Variants in SOHLH2 observed in about 807,000 individuals in gnomAD.
The protein encoded by SOHLH2 is spermatogenesis- and oogenesis-specific basic helix-loop-helix-containing protein 2.
SOHLH2 carries 22 observed loss-of-function variants against 50.4 expected under a neutral mutation model. The observed-to-expected ratio is 0.44, with a 90% CI of 0.31 to 0.62. SOHLH2 has a LOEUF of 0.62. SOHLH2 is among the 20% of genes least tolerant of loss of function. SOHLH2 has a pLI of 0.08. For missense variants in SOHLH2, 412 were observed against 504.4 expected, an observed-to-expected ratio of 0.82 and a Z score of 1.76; for synonymous variants, 185 against 187.3, an observed-to-expected ratio of 0.99 and a Z score of 0.10.
At chr13:36,211,453 G>T (rs1468109206) in intron 1 of SOHLH2, among the ~76,000 whole-genome samples, 1 of 152,220 alleles carries the variant, frequency 6.6e-6, no homozygotes, top group East Asian at 1.9e-4. Flanking sequence ...AACAAGACAA[G>T]GTCCTTGCCC....
At chr13:36,178,782 C>T (rs1311689326) in intron 6 of SOHLH2, among the ~76,000 whole-genome samples, 3 of 148,756 alleles carry the variant, frequency 2.0e-5, no homozygotes, top group Non-Finnish European at 4.4e-5. Flanking sequence ...TTTAACTTTT[C>T]ATAGTAACAT....
At chr13:36,196,578 C>T (rs1887738745) in intron 2 of SOHLH2, among the ~76,000 whole-genome samples, 1 of 152,120 alleles carries the variant, frequency 6.6e-6, no homozygotes, top group South Asian at 2.1e-4. Flanking sequence ...ATAAAAAATA[C>T]TGCATAGTGG....
At chr13:36,187,875 T>G (rs988725108) in intron 6 of SOHLH2, among the ~76,000 whole-genome samples, 20 of 152,142 alleles carry the variant, frequency 1.3e-4, no homozygotes, top group African/African-American at 4.8e-4. Flanking sequence ...CACTGACAGG[T>G]GGGGTCTATG....
chr13:36,174,749 C>T lies in SOHLH2; in HGVS notation c.762G>A (p.Glu254=), dbSNP rs752689317. 6 of 1,608,504 alleles carry T rather than the reference C, an allele frequency of 3.7e-6. No homozygotes were observed. The highest frequency in any genetic ancestry group is 3.3e-5 in the South Asian group (3 of 89,574). Residue 254 remains glutamate (E), a synonymous_variant, in exon 7 of 11, where the codon GAG becomes GAA. Transcript: ENST00000379881. ...GGGCCATAACGGCTGGAGAGATTTTCTCCCGGATATATTTCACATAATCAA... is the reference window on the plus strand; with the variant it reads ...GGGCCATAACGGCTGGAGAGATTTTTTCCCGGATATATTTCACATAATCAA... ...ATVDYVKYIR[E]KISPAVMAQI...
chr13:36,208,238 A>G (rs143010218), intron 1 of SOHLH2, among the ~76,000 whole-genome samples: 317 of 152,266 alleles, frequency 2.1e-3, no homozygotes, highest in African/African-American at 7.2e-3. Context: ...TATTACTATG[A>G]CATTCCATTG....
chr13:36,203,640 T>C (rs780594519), intron 1 of SOHLH2, among the ~76,000 whole-genome samples: 16 of 152,322 alleles, frequency 1.1e-4, no homozygotes, highest in African/African-American at 2.2e-4. Context: ...GTAAGCAGTA[T>C]ATATGAGTAC....
chr13:36,173,639 G>T (rs1409839662), intron 9 of SOHLH2, 53 bp downstream of exon 9: 7 of 1,602,020 alleles, frequency 4.4e-6, no homozygotes, highest in African/African-American at 4.0e-5. Flanking sequence ...CTGGGGGTTT[G>T]CAGGGCAGGG....
chr13:36,169,027 T>A lies in SOHLH2; in HGVS notation c.*7A>T. On this transcript the variant is annotated 3_prime_UTR_variant, in exon 11 of 11. Coordinates refer to ENST00000379881, the MANE Select transcript of SOHLH2 (RefSeq NM_017826.3). The stretch of plus-strand genomic sequence containing the variant: ...TGGTTGAGAGTGTGAATTTCAAACA[T>A]GTGCTTTTAATACGCCCAAAACTGT... 6.2e-7 allele frequency: 1 copy of A among 1,606,664 alleles called. No homozygotes were observed. The highest frequency in any genetic ancestry group is 1.3e-5 in the African/African-American group (1 of 74,752).
At chr13:36,214,389 G>C in intron 1 of SOHLH2, 90 bp downstream of exon 1, 1 of 1,475,548 alleles carries the variant, frequency 6.8e-7, no homozygotes, top group Non-Finnish European at 9.3e-7. Context: ...GAGCTCCCCA[G>C]GCCGGGCTTT....
intron 1 of SOHLH2, among the ~76,000 whole-genome samples, chr13:36,206,155 A>C (rs1039018327): frequency 1.3e-5 from 2 of 152,016 alleles, no homozygotes; most frequent in Non-Finnish European, 2.9e-5. Context: ...AATTAAAATT[A>C]ATTAAAGTTT....
At chr13:36,195,113 A>G (rs1887684764) in intron 2 of SOHLH2, among the ~76,000 whole-genome samples, 2 of 152,258 alleles carry the variant, frequency 1.3e-5, no homozygotes, top group South Asian at 2.1e-4. Flanking sequence ...CATTAAACGA[A>G]TCATTATAGA....
chr13:36,181,549 GTT>G (rs886379675), intron 6 of SOHLH2, among the ~76,000 whole-genome samples: 3 of 152,124 alleles, frequency 2.0e-5, no homozygotes, highest in African/African-American at 7.2e-5. Flanking sequence ...ATAGTCTAGA[GTT>G]AATACTTTAT....
intron 6 of SOHLH2, among the ~76,000 whole-genome samples, chr13:36,177,138 C>A (rs1487064545): frequency 6.6e-6 from 1 of 152,066 alleles, no homozygotes; most frequent in African/African-American, 2.4e-5. Flanking sequence ...ATCACTTTTG[C>A]CTGTCCTCAA....
At chr13:36,190,636 T>C (rs1418126685) in intron 5 of SOHLH2, among the ~76,000 whole-genome samples, 1 of 152,108 alleles carries the variant, frequency 6.6e-6, no homozygotes, top group Non-Finnish European at 1.5e-5. Flanking sequence ...GATTTGAAAA[T>C]TTTATTTACA....
chr13:36,179,537 T>G (rs551932307), intron 6 of SOHLH2, among the ~76,000 whole-genome samples: 14 of 152,094 alleles, frequency 9.2e-5, no homozygotes, highest in African/African-American at 3.1e-4. Context: ...GCCTCACGAG[T>G]AGCGGAGATT....
rs759344321 is a variant in SOHLH2, at chr13:36,168,688, C to T, written c.*346G>A. ...CACCTTCCCAATCTAATCATTTTAT[C>T]GTGTCTACATGGATCTTCCTTATAG... On this transcript the variant is annotated 3_prime_UTR_variant, in exon 11 of 11. Coordinates refer to ENST00000379881, the MANE Select transcript of SOHLH2 (RefSeq NM_017826.3). The T allele has an allele frequency of 2.0e-5, 6 of 300,012 alleles. No individual in the cohort carries two copies. The highest frequency in any genetic ancestry group is 4.3e-5 in the African/African-American group (2 of 46,522). 18.6% of individuals were successfully genotyped at this position (300,012 alleles called of 1,614,324 possible).
intron 1 of SOHLH2, among the ~76,000 whole-genome samples, chr13:36,210,324 A>C (rs538155802): frequency 6.6e-6 from 1 of 152,270 alleles, no homozygotes; most frequent in East Asian, 1.9e-4. Flanking sequence ...ACTATCACTA[A>C]AATTGTTTTA....
At chr13:36,180,656 T>TA (rs1045380974) in intron 6 of SOHLH2, among the ~76,000 whole-genome samples, 1 of 151,420 alleles carries the variant, frequency 6.6e-6, no homozygotes, top group Non-Finnish European at 1.5e-5. Flanking sequence ...TTTTTTTTTT[T>TA]AATTTCCATA....
At chr13:36,191,733 A>T in intron 5 of SOHLH2, 62 bp downstream of exon 5, 1 of 1,602,502 alleles carries the variant, frequency 6.2e-7, no homozygotes, top group Non-Finnish European at 8.5e-7. Context: ...CTTCCACAAA[A>T]TAGCCACAAT....
Sources: gnomAD v4.1 joint callset for allele counts (sites outside exome capture counted in the v4.1 genomes callset) on GRCh38, gnomAD v4.1.1 for gene constraint, MANE v1.5 for transcripts, NCBI Gene and HGNC (gene_info 2026-07-23, HGNC 2026-07-21) for gene names.